Variants in PCDH9 observed in about 807,000 individuals in gnomAD.
PCDH9 encodes protocadherin 9.
PCDH9 carries 24 observed loss-of-function variants against 70.6 expected under a neutral mutation model. That is an observed-to-expected ratio of 0.34 (90% CI 0.25 to 0.48). The LOEUF (loss-of-function observed/expected upper bound fraction) is 0.48. Among genes scored for constraint, PCDH9 ranks in the 20% least tolerant of loss-of-function variants. The pLI, the probability that PCDH9 is intolerant of heterozygous loss-of-function variation, is 0.99. For missense variants in PCDH9, 1,281 were observed against 1,503.6 expected, an observed-to-expected ratio of 0.85 and a Z score of 2.45; for synonymous variants, 562 against 558.5, an observed-to-expected ratio of 1.01 and a Z score of -0.09.
chr13:67,218,175 C>A (rs898569816), intron 2 of PCDH9: 1 of 152,102 alleles, frequency 6.6e-6, no homozygotes, highest in African/African-American at 2.4e-5. Flanking sequence ...TTCCTGCAAT[C>A]TAAGAGCTTA....
At chr13:66,815,686 C>T (rs997543707) in intron 3 of PCDH9, among the ~76,000 whole-genome samples, 1 of 152,202 alleles carries the variant, frequency 6.6e-6, no homozygotes, top group East Asian at 1.9e-4. Context: ...CACATGTTCT[C>T]ACTTATAAGT....
At chr13:66,826,462 T>C (rs2080825704) in intron 3 of PCDH9, among the ~76,000 whole-genome samples, 1 of 152,220 alleles carries the variant, frequency 6.6e-6, no homozygotes, top group African/African-American at 2.4e-5. Flanking sequence ...CTGTCACTAA[T>C]AGTTGCATGA....
At chr13:66,493,684 A>G (rs1466905530) in intron 4 of PCDH9, among the ~76,000 whole-genome samples, 2 of 152,132 alleles carry the variant, frequency 1.3e-5, no homozygotes, top group Non-Finnish European at 2.9e-5. Flanking sequence ...GAAACTATGT[A>G]CTCATTCATT....
At chr13:66,872,363 C>A (rs1320068206) in intron 3 of PCDH9, among the ~76,000 whole-genome samples, 1 of 152,074 alleles carries the variant, frequency 6.6e-6, no homozygotes, top group Admixed American at 6.6e-5. Context: ...ATGCCCTTTT[C>A]AATTCTAATT....
chr13:66,440,206 A>G (rs1957947821), intron 4 of PCDH9, among the ~76,000 whole-genome samples: 1 of 152,182 alleles, frequency 6.6e-6, no homozygotes, highest in South Asian at 2.1e-4. Flanking sequence ...CAATGTAGCA[A>G]CAATTCTACG....
chr13:66,545,983 C>T (rs954371316), intron 4 of PCDH9, among the ~76,000 whole-genome samples: 100 of 151,580 alleles, frequency 6.6e-4, no homozygotes, highest in African/African-American at 2.2e-3. Flanking sequence ...CTACAGGCAC[C>T]CACCACCATG....
At chr13:67,202,139 A>C (rs1377905114) in intron 2 of PCDH9, 1 of 152,078 alleles carries the variant, frequency 6.6e-6, no homozygotes, top group East Asian at 1.9e-4. Context: ...ACAAACACAC[A>C]TACCAACCTA....
chr13:66,683,188 C>T (rs2078351949), intron 3 of PCDH9, among the ~76,000 whole-genome samples: 1 of 152,092 alleles, frequency 6.6e-6, no homozygotes, highest in Non-Finnish European at 1.5e-5. Flanking sequence ...AAAGACTCTT[C>T]CCATTCATCT....
At chr13:66,848,772 C>T (rs1450429779) in intron 3 of PCDH9, among the ~76,000 whole-genome samples, 1 of 151,508 alleles carries the variant, frequency 6.6e-6, no homozygotes, top group Non-Finnish European at 1.5e-5. Context: ...ATTAAAAATA[C>T]AAAAAATTAG....
At chr13:66,588,345 CCTT>C (rs2076991442) in intron 4 of PCDH9, among the ~76,000 whole-genome samples, 1 of 152,058 alleles carries the variant, frequency 6.6e-6, no homozygotes, top group African/African-American at 2.4e-5. Flanking sequence ...ACCATTGTAT[CCTT>C]AGGCTACAAA....
intron 2 of PCDH9, among the ~76,000 whole-genome samples, chr13:66,950,840 TCTATCCA>T (rs1291078127): frequency 6.6e-6 from 1 of 152,144 alleles, no homozygotes; most frequent in African/African-American, 2.4e-5. Context: ...AAGCCATCTA[TCTATCCA>T]TCTGTCATAT....
At chr13:66,945,321 G>A (rs1381751307) in intron 2 of PCDH9, among the ~76,000 whole-genome samples, 1 of 152,030 alleles carries the variant, frequency 6.6e-6, no homozygotes, top group Non-Finnish European at 1.5e-5. Flanking sequence ...CATACTATAT[G>A]AGTTTTGATC....
chr13:66,319,043 G>A (rs918863596), intron 4 of PCDH9, among the ~76,000 whole-genome samples: 1 of 152,152 alleles, frequency 6.6e-6, no homozygotes, highest in East Asian at 1.9e-4. Flanking sequence ...AAAGGAAAGA[G>A]GTTTAATTGA....
chr13:66,784,048 A>C (rs2080041076), intron 3 of PCDH9, among the ~76,000 whole-genome samples: 1 of 152,156 alleles, frequency 6.6e-6, no homozygotes, highest in Admixed American at 6.6e-5. Context: ...AACTTCATTA[A>C]GGAAAAAATA....
chr13:66,926,934 A>G (rs917634094), intron 2 of PCDH9, among the ~76,000 whole-genome samples: 3 of 152,128 alleles, frequency 2.0e-5, no homozygotes, highest in Non-Finnish European at 4.4e-5. Flanking sequence ...TTAGAGGAGT[A>G]GGCTAGGGAA....
At chr13:66,762,915 G>A (rs1198857861) in intron 3 of PCDH9, among the ~76,000 whole-genome samples, 1 of 151,866 alleles carries the variant, frequency 6.6e-6, no homozygotes, top group Non-Finnish European at 1.5e-5. Context: ...TTTAAATTCA[G>A]AAAGATTCAA....
chr13:67,048,264 A>C (rs1178838059), intron 2 of PCDH9, among the ~76,000 whole-genome samples: 1 of 152,156 alleles, frequency 6.6e-6, no homozygotes, highest in Non-Finnish European at 1.5e-5. Flanking sequence ...TAATAGCTTG[A>C]CTGGGTATAT....
chr13:66,424,463 G>C (rs1037498933), intron 4 of PCDH9, among the ~76,000 whole-genome samples: 4 of 151,910 alleles, frequency 2.6e-5, no homozygotes, highest in Non-Finnish European at 4.4e-5. Flanking sequence ...AGTATGGAAA[G>C]AACACAAGCA....
intron 2 of PCDH9, chr13:67,224,091 T>C (rs2089792264): frequency 6.6e-6 from 1 of 152,154 alleles, no homozygotes; most frequent in Non-Finnish European, 1.5e-5. Flanking sequence ...GACTAATCAA[T>C]GATAACTGTT....
Sources: gnomAD v4.1 joint callset for allele counts (sites outside exome capture counted in the v4.1 genomes callset) on GRCh38, gnomAD v4.1.1 for gene constraint, MANE v1.5 for transcripts, NCBI Gene and HGNC (gene_info 2026-07-23, HGNC 2026-07-21) for gene names.